Variants in ANKRD62 observed in about 807,000 individuals in gnomAD.
The protein encoded by ANKRD62 is ankyrin repeat domain-containing protein 62.
In ANKRD62, 61 loss-of-function variants were observed where a neutral mutation model predicts 98.8. That is an observed-to-expected ratio of 0.62 (90% CI 0.50 to 0.76). The LOEUF (loss-of-function observed/expected upper bound fraction) is 0.76, where lower values mean the gene tolerates loss of function less well. Among genes scored for constraint, ANKRD62 ranks in the 30% least tolerant of loss-of-function variants. The pLI is 0.00. For missense variants in ANKRD62, 933 were observed against 1,082.9 expected (o/e 0.86, Z 1.94); for synonymous variants, 341 against 367.9 (o/e 0.93, Z 0.84).
chr18:12,120,508 C>T (rs908232724), intron 10 of ANKRD62, among the ~76,000 whole-genome samples: 9 of 152,048 alleles, frequency 5.9e-5, no homozygotes, highest in South Asian at 2.1e-4. Flanking sequence ...TTCTTGCAGC[C>T]GATTTGTGTC....
Position 12,125,608 on chromosome 18 carries a change from T to G in ANKRD62, c.1787T>G (p.Ile596Arg), listed in dbSNP as rs1377792039. 1 of 1,525,988 alleles carries G rather than the reference T, an allele frequency of 6.6e-7. No homozygotes were observed. The highest frequency in any genetic ancestry group is 2.1e-5 in the Admixed American group (1 of 48,034). The allele number at this position is 1,525,988 out of a possible 1,614,324, so 94.5% of individuals were successfully genotyped here. A position where few individuals can be genotyped will look rare whatever the true frequency, so the allele number is the denominator to read the frequency against. Residue 596 changes from isoleucine to arginine, a missense_variant, in exon 13 of 14, where the codon ATA (isoleucine) becomes AGA (arginine). Physicochemically the swap from Ile to Arg is moderately conservative, Grantham distance 97. This residue lies in a region of ANKRD62 where 362 missense variants were observed against 434.5 expected (regional missense o/e 0.83). Transcript: ENST00000587848. ...AAATATTTCAAAGATATTGAAATTA[T>G]AAAGGAAAACAATGAAGACCTTGAA... Reference protein sequence around the residue: ...ENKYFKDIEIIKENNEDLEKT... With the variant: ...ENKYFKDIEIRKENNEDLEKT...
At chr18:12,094,319 G>A (rs1474139122) in intron 1 of ANKRD62, 84 bp downstream of exon 1, 8 of 1,063,002 alleles carry the variant, frequency 7.5e-6, no homozygotes, top group Non-Finnish European at 1.0e-5. Context: ...GAGATACGGT[G>A]TGGGGTGAAG....
At chr18:12,109,013 G>A (rs899059072) in intron 8 of ANKRD62, among the ~76,000 whole-genome samples, 1 of 152,226 alleles carries the variant, frequency 6.6e-6, no homozygotes, top group African/African-American at 2.4e-5. Context: ...GATGTTGAGT[G>A]CCTGCAGCTT....
chr18:12,094,224 C>A lies in ANKRD62; in HGVS notation c.207C>A (p.Asp69Glu). ...GGCTGAATGACTTGAACGACAGGGA[C>A]AAGAAGAACAGGTAAGGGGAACAGG... Reference protein sequence around the residue: ...LLRLNDLNDRDKKNRTALLLA... With the variant: ...LLRLNDLNDREKKNRTALLLA... Residue 69 changes from aspartate (D) to glutamate (E), a missense_variant, in exon 1 of 14, where the codon GAC (aspartate) becomes GAA (glutamate). Physicochemically the swap from Asp to Glu is conservative, Grantham distance 45. This residue lies in a region of ANKRD62 where 549 missense variants were observed against 587.9 expected (regional missense o/e 0.93). Transcript: ENST00000587848. The A allele has an allele frequency of 6.6e-7, 1 of 1,524,666 alleles. No homozygotes were observed. Among genetic ancestry groups the A allele is most frequent in the Non-Finnish European group, 8.7e-7 (1 of 1,144,456 alleles). 94.4% of individuals were successfully genotyped at this position (1,524,666 alleles called of 1,614,324 possible).
At chr18:12,111,248 CAAA>C (rs35918523) in intron 8 of ANKRD62, among the ~76,000 whole-genome samples, 1 of 124,740 alleles carries the variant, frequency 8.0e-6, no homozygotes, top group Non-Finnish European at 1.7e-5. Context: ...GACTGCCTCT[CAAA>C]AAAAAAAAAA....
At chr18:12,132,770 T>A (rs1441943360), downstream of ANKRD62, among the ~76,000 whole-genome samples, 2 of 152,126 alleles carry the variant, frequency 1.3e-5, no homozygotes, top group African/African-American at 2.4e-5. Context: ...AATTATAAGA[T>A]TAATTGATTT....
the ANKRD62 span, among the ~76,000 whole-genome samples, chr18:12,150,278 C>T: frequency 6.6e-6 from 1 of 152,194 alleles, no homozygotes; most frequent in Admixed American, 6.5e-5. Context: ...AAGACATGAA[C>T]AAAACCTCTG....
chr18:12,094,452 G>T (rs1030815583), intron 1 of ANKRD62, among the ~76,000 whole-genome samples: 20 of 1,570 alleles, frequency 0.013, no homozygotes, highest in Admixed American at 0.019. Flanking sequence ...GGGGACTGTG[G>T]TAGGAAGTGG....
the ANKRD62 span, among the ~76,000 whole-genome samples, chr18:12,146,314 G>A: frequency 6.6e-6 from 1 of 152,242 alleles, no homozygotes; most frequent in Non-Finnish European, 1.5e-5. Flanking sequence ...GGATCAGGCC[G>A]CCATCTTTGC....
At chr18:12,127,330 G>T (rs1482008627) in intron 13 of ANKRD62, among the ~76,000 whole-genome samples, 2 of 152,182 alleles carry the variant, frequency 1.3e-5, no homozygotes, top group African/African-American at 4.8e-5. Context: ...TTCTTCTGAG[G>T]TGGAAATCTG....
the ANKRD62 span, among the ~76,000 whole-genome samples, chr18:12,175,958 G>A: frequency 1.3e-5 from 2 of 151,744 alleles, no homozygotes; most frequent in Admixed American, 6.5e-5. Flanking sequence ...TTGGGAGGCC[G>A]AGGTGGATGA....
intron 4 of ANKRD62, among the ~76,000 whole-genome samples, chr18:12,096,894 A>G (rs1202535832): frequency 1.3e-5 from 2 of 151,990 alleles, no homozygotes; most frequent in African/African-American, 2.4e-5. Context: ...TTTTGGTGTT[A>G]TTTTTAATTA....
rs146344841 is a variant in ANKRD62, at chr18:12,095,364, A to G, written c.334-73A>G. On this transcript the variant is annotated intron_variant, in intron 2 of 13. Transcript: ENST00000587848. The stretch of plus-strand genomic sequence containing the variant: ...AATAAAATTAATTCACCTCATTGAA[A>G]TGTGACTAGTTGGTGAATCCTGTGG... 3,247 of 1,533,568 alleles carry G rather than the reference A, an allele frequency of 2.1e-3. 7 individuals carry two copies. Among genetic ancestry groups the G allele is most frequent in the Non-Finnish European group, 2.7e-3 (3,080 of 1,141,302 alleles). 95.0% of individuals were successfully genotyped at this position (1,533,568 alleles called of 1,614,324 possible). A position where few individuals can be genotyped will look rare whatever the true frequency, so the allele number is the denominator to read the frequency against.
chr18:12,152,843 G>A, the ANKRD62 span, among the ~76,000 whole-genome samples: 21 of 152,172 alleles, frequency 1.4e-4, no homozygotes, highest in Admixed American at 5.2e-4. Flanking sequence ...AGTTGAAGCC[G>A]AGATCGTGCC....
chr18:12,125,413 T>A (rs1161355889), intron 12 of ANKRD62, 47 bp from the exon 13 acceptor site: 2 of 1,386,614 alleles, frequency 1.4e-6, no homozygotes, highest in African/African-American at 2.9e-5. Context: ...AATCATAATA[T>A]GTCATTTTAT....
intron 10 of ANKRD62, among the ~76,000 whole-genome samples, chr18:12,121,055 C>T (rs917768527): frequency 1.3e-5 from 2 of 152,070 alleles, no homozygotes; most frequent in Non-Finnish European, 2.9e-5. Flanking sequence ...ATATTAGTTG[C>T]TTGAAGGTTT....
At position 12,102,350 on chromosome 18, in the gene ANKRD62, G is replaced by T. The variant is rs963544284; in HGVS notation, c.821-808G>T. On this transcript the variant is annotated intron_variant, in intron 6 of 13. Coordinates refer to ENST00000587848, the MANE Select transcript of ANKRD62 (RefSeq NM_001277333.2). ...CAATGTACTCACTCCACACCATTCG[G>T]GGGTAGGTCGGTTCTGAAGTAATGC... The T allele has an allele frequency of 9.3e-6, 6 of 644,322 alleles. No homozygotes were observed. In the African/African-American group the frequency reaches 1.1e-4, roughly 12 times the overall value. 39.9% of individuals were successfully genotyped at this position (644,322 alleles called of 1,614,324 possible).
At chr18:12,162,661 A>G in the ANKRD62 span, among the ~76,000 whole-genome samples, 1 of 152,042 alleles carries the variant, frequency 6.6e-6, no homozygotes, top group Non-Finnish European at 1.5e-5. Flanking sequence ...TCTTAGATTT[A>G]TGTCTGATCC....
chr18:12,157,051 G>A, the ANKRD62 span, among the ~76,000 whole-genome samples: 1 of 152,124 alleles, frequency 6.6e-6, no homozygotes, highest in Non-Finnish European at 1.5e-5. Context: ...TGAGATTAAA[G>A]GCAAGAGCCA....
Sources: gnomAD v4.1 joint callset for allele counts (sites outside exome capture counted in the v4.1 genomes callset) on GRCh38, gnomAD v4.1.1 for gene constraint, gnomAD v4.1.1 regional missense constraint, MANE v1.5 for transcripts, NCBI Gene and HGNC (gene_info 2026-07-23, HGNC 2026-07-21) for gene names.